The following OPA1 variants were observed in gnomAD, a reference collection of about 807,000 sequenced individuals.
OPA1 encodes the protein OPA1 mitochondrial dynamin like GTPase.
OPA1 carries 59 observed loss-of-function variants against 152.9 expected under a neutral mutation model. The ratio of observed to expected loss-of-function variants is 0.39; its 90% confidence interval spans 0.31 to 0.48. The LOEUF (loss-of-function observed/expected upper bound fraction) is 0.48, where lower values mean the gene tolerates loss of function less well. Ranked by LOEUF, OPA1 falls within the 20% of genes least tolerant of loss-of-function variation. The probability of loss-of-function intolerance (pLI) is 0.96; values close to 1 mark genes in which losing one functional copy is unlikely to be tolerated. For synonymous variants in OPA1, 400 were observed against 389.9 expected (o/e 1.03, Z -0.31); for missense variants, 1,008 against 1,216.8 (o/e 0.83, Z 2.55).
intron 1 of OPA1, among the ~76,000 whole-genome samples, chr3:193,602,506 A>G (rs1726617882): frequency 6.6e-6 from 1 of 152,226 alleles, no homozygotes; most frequent in African/African-American, 2.4e-5. Context: ...AGAGTTTAAG[A>G]GAGCAGGAGA....
At chr3:193,613,993 G>A (rs1267517365) in intron 1 of OPA1, 2 of 518,722 alleles carry the variant, frequency 3.9e-6, no homozygotes, top group Admixed American at 1.9e-5. Flanking sequence ...AAGCAACTAT[G>A]TATGCAACTA....
At chr3:193,641,012 A>G (rs902581127) in intron 11 of OPA1, among the ~76,000 whole-genome samples, 1 of 152,220 alleles carries the variant, frequency 6.6e-6, no homozygotes, top group African/African-American at 2.4e-5. Context: ...CAGACTTTAC[A>G]TATCCATTTT....
At chr3:193,622,634 C>T (rs1730348520) in intron 6 of OPA1, among the ~76,000 whole-genome samples, 1 of 152,178 alleles carries the variant, frequency 6.6e-6, no homozygotes, top group Non-Finnish European at 1.5e-5. Context: ...TCAATTGTCA[C>T]TTCATGAAGC....
chr3:193,637,352 G>A (rs1458860935), intron 10 of OPA1, 71 bp downstream of exon 10: 2 of 895,286 alleles, frequency 2.2e-6, no homozygotes, highest in Non-Finnish European at 3.8e-6. Flanking sequence ...TAAAAATTAT[G>A]TGTATATATG....
chr3:193,614,204 C>T (rs1011570062), intron 1 of OPA1, among the ~76,000 whole-genome samples: 6 of 152,162 alleles, frequency 3.9e-5, no homozygotes, highest in African/African-American at 1.4e-4. Context: ...CTGTCAGGAT[C>T]GGGAGACATA....
intron 29 of OPA1, among the ~76,000 whole-genome samples, chr3:193,679,476 A>G (rs1247383709): frequency 6.6e-6 from 1 of 152,170 alleles, no homozygotes; most frequent in Non-Finnish European, 1.5e-5. Context: ...GTAAAGTCAT[A>G]TGAGGCATTA....
At chr3:193,651,042 G>A (rs575258848) in intron 21 of OPA1, among the ~76,000 whole-genome samples, 11 of 152,160 alleles carry the variant, frequency 7.2e-5, no homozygotes, top group East Asian at 3.9e-4. Context: ...AACAAGAAAG[G>A]CGACACAGGT....
At chr3:193,597,634 T>C (rs1474421789) in intron 1 of OPA1, among the ~76,000 whole-genome samples, 1 of 135,502 alleles carries the variant, frequency 7.4e-6, no homozygotes, top group African/African-American at 2.9e-5. Flanking sequence ...GAGGTTGCAG[T>C]GAGCAGAGAT....
intron 21 of OPA1, 126 bp downstream of exon 21, chr3:193,648,997 G>A (rs1577262693): frequency 1.5e-6 from 1 of 677,818 alleles, no homozygotes; most frequent in Non-Finnish European, 2.6e-6. Flanking sequence ...AAACGTAATA[G>A]TATATTTTTT....
intron 21 of OPA1, among the ~76,000 whole-genome samples, chr3:193,653,833 A>G (rs974712000): frequency 3.3e-5 from 5 of 152,194 alleles, no homozygotes; most frequent in Admixed American, 6.5e-5. Flanking sequence ...TCATTAGAGA[A>G]ATACAACGTA....
At chr3:193,673,703 T>G (rs1718412474) in intron 29 of OPA1, among the ~76,000 whole-genome samples, 1 of 152,224 alleles carries the variant, frequency 6.6e-6, no homozygotes, top group East Asian at 1.9e-4. Flanking sequence ...TTATTAGAAA[T>G]TACAGTGTAT....
At chr3:193,676,240 T>G (rs1006708595) in intron 29 of OPA1, among the ~76,000 whole-genome samples, 3 of 151,968 alleles carry the variant, frequency 2.0e-5, no homozygotes, top group South Asian at 2.1e-4. Context: ...AAAAATTGAT[T>G]TTTTTTTCCT....
chr3:193,686,978 G>T (rs1038795961), intron 29 of OPA1, among the ~76,000 whole-genome samples: 1 of 152,136 alleles, frequency 6.6e-6, no homozygotes. Flanking sequence ...TTAGTGTTTT[G>T]TGTGTGGTTC....
At chr3:193,692,631 A>G (rs568195332) in intron 30 of OPA1, among the ~76,000 whole-genome samples, 2 of 152,270 alleles carry the variant, frequency 1.3e-5, no homozygotes, top group East Asian at 3.9e-4. Flanking sequence ...AGAATTTAGT[A>G]CTCCTTGAAT....
At chr3:193,623,299 T>G (rs1398354953) in intron 6 of OPA1, among the ~76,000 whole-genome samples, 2 of 152,160 alleles carry the variant, frequency 1.3e-5, no homozygotes, top group Non-Finnish European at 2.9e-5. Flanking sequence ...ATATGAATTG[T>G]GGGAGACAAA....
chr3:193,640,225 G>T (rs1024638750), intron 11 of OPA1, among the ~76,000 whole-genome samples: 1 of 152,142 alleles, frequency 6.6e-6, no homozygotes, highest in African/African-American at 2.4e-5. Flanking sequence ...TAGAGATAGA[G>T]AAAACACAGA....
At chr3:193,632,119 G>T (rs1317300812) in intron 8 of OPA1, among the ~76,000 whole-genome samples, 1 of 152,146 alleles carries the variant, frequency 6.6e-6, no homozygotes, top group Non-Finnish European at 1.5e-5. Flanking sequence ...CTTATAGTTG[G>T]TGATAAAATT....
chr3:193,681,350 G>A (rs955190106), intron 29 of OPA1, among the ~76,000 whole-genome samples: 7 of 152,270 alleles, frequency 4.6e-5, no homozygotes, highest in East Asian at 1.9e-4. Flanking sequence ...TTGTTAGTTT[G>A]TTTATTAATT....
intron 26 of OPA1, 113 bp from the exon 27 acceptor site, chr3:193,664,767 T>A: frequency 1.4e-6 from 1 of 704,908 alleles, no homozygotes; most frequent in South Asian, 1.7e-5. Flanking sequence ...ATAACCTTGC[T>A]TTTGCTTTTA....
Sources: gnomAD v4.1 joint callset for allele counts (sites outside exome capture counted in the v4.1 genomes callset) on GRCh38, gnomAD v4.1.1 for gene constraint, MANE v1.5 for transcripts, NCBI Gene and HGNC (gene_info 2026-07-23, HGNC 2026-07-21) for gene names.